The following SEMA3C variants were observed in gnomAD, a reference collection of about 807,000 sequenced individuals.
SEMA3C encodes semaphorin-3C.
Under a neutral mutation model 89.4 loss-of-function variants are expected in SEMA3C, and 47 were observed. The observed-to-expected ratio is 0.53, with a 90% CI of 0.42 to 0.67. The LOEUF is 0.67. Ranked by LOEUF, SEMA3C falls within the 30% of genes least tolerant of loss-of-function variation. The probability of loss-of-function intolerance (pLI) is 0.00; values close to 1 mark genes in which losing one functional copy is unlikely to be tolerated. For missense variants in SEMA3C, 839 were observed against 929.1 expected (o/e 0.90, Z 1.26); for synonymous variants, 310 against 320.2 (o/e 0.97, Z 0.34).
In SEMA3C at chr7:80,873,147, A is replaced by T. The variant is rs369979395; in HGVS notation, c.103+43532T>A. 4.6e-5 allele frequency among the ~76,000 whole-genome samples: 7 copies of T among 152,258 alleles called. No individual in the cohort carries two copies. In the East Asian group the frequency reaches 1.2e-3, roughly 25 times the overall value. ...GGACCAAAAACAACTCTAGGCATAA[A>T]AAGCAAAAAGCGTACAGGGCCCAAA... On this transcript the variant is annotated intron_variant, in intron 2 of 17. Coordinates refer to ENST00000265361, the MANE Select transcript of SEMA3C (RefSeq NM_006379.5).
intron 2 of SEMA3C, among the ~76,000 whole-genome samples, chr7:80,878,117 C>G (rs748633864): frequency 5.9e-5 from 9 of 152,192 alleles, no homozygotes; most frequent in Admixed American, 3.9e-4. Context: ...GTGGCTCACA[C>G]CTGTAATCCC....
At chr7:80,821,451 G>A (rs1047147802) in intron 4 of SEMA3C, among the ~76,000 whole-genome samples, 22 of 152,106 alleles carry the variant, frequency 1.4e-4, no homozygotes, top group African/African-American at 4.8e-4. Flanking sequence ...ACAGAGTGTC[G>A]CTCTGCTACC....
chr7:80,828,845 G>A, intron 2 of SEMA3C, 100 bp from the exon 3 acceptor site: 1 of 926,702 alleles, frequency 1.1e-6, no homozygotes, highest in South Asian at 2.3e-5. Context: ...AAAATGTCAA[G>A]GTACATTTTC....
At position 80,916,741 on chromosome 7, in the gene SEMA3C, A is replaced by G. The variant is rs1237605473; in HGVS notation, c.41T>C (p.Ile14Thr). 2.5e-6 allele frequency: 4 copies of G among 1,613,796 alleles called. No homozygotes were observed. Among genetic ancestry groups the G allele is most frequent in the Non-Finnish European group, 2.5e-6 (3 of 1,179,778 alleles). Residue 14 changes from isoleucine to threonine, a missense_variant, in exon 2 of 18, where the codon ATT becomes ACT. By Grantham distance (89) the Ile-to-Thr change is moderately conservative. Transcript: ENST00000265361. ...AGATCCTTTCACACAGATAGAACAA[A>G]TAAATACTCCAACCAACACGCAAAT... ...RTICVLVGVFICSICVKGSSQ... is the reference protein window; with the variant it reads ...RTICVLVGVFTCSICVKGSSQ...
At chr7:80,778,242 T>C (rs1024273697) in intron 12 of SEMA3C, among the ~76,000 whole-genome samples, 12 of 152,238 alleles carry the variant, frequency 7.9e-5, no homozygotes, top group Admixed American at 3.9e-4. Flanking sequence ...ATTTTAGTAT[T>C]CCTGTTTCTT....
At chr7:80,823,133 T>C (rs1049585201) in intron 4 of SEMA3C, among the ~76,000 whole-genome samples, 3 of 152,230 alleles carry the variant, frequency 2.0e-5, no homozygotes, top group South Asian at 4.1e-4. Flanking sequence ...CCTGGAAGAA[T>C]ATACCCTAAA....
Position 80,761,373 on chromosome 7 carries a change from G to T in SEMA3C, c.1485+243C>A, listed in dbSNP as rs1432341018. Among the ~76,000 whole-genome samples, 3 of 152,030 alleles carry T rather than the reference G, an allele frequency of 2.0e-5. No homozygotes were observed. The East Asian group carries it at 5.8e-4, about 29-fold the overall frequency. ...AGAAAATCAGATATACAAAATGTTG[G>T]AATATCTTGCTGTATATATGTTCTG... On this transcript the variant is annotated intron_variant, in intron 14 of 17. Coordinates refer to ENST00000265361, the MANE Select transcript of SEMA3C (RefSeq NM_006379.5).
At chr7:80,765,522 G>A (rs970889502) in intron 12 of SEMA3C, among the ~76,000 whole-genome samples, 6 of 152,192 alleles carry the variant, frequency 3.9e-5, no homozygotes, top group East Asian at 1.9e-4. Flanking sequence ...TCAAAAGTTC[G>A]GAACCAAATG....
chr7:80,909,565 A>G (rs1792095679), intron 2 of SEMA3C, among the ~76,000 whole-genome samples: 2 of 152,170 alleles, frequency 1.3e-5, no homozygotes. Flanking sequence ...GAGTAAGGCA[A>G]GAATATTTAG....
intron 12 of SEMA3C, among the ~76,000 whole-genome samples, chr7:80,770,918 C>A (rs1788417846): frequency 6.6e-6 from 1 of 152,222 alleles, no homozygotes; most frequent in Non-Finnish European, 1.5e-5. Flanking sequence ...CATTTGAGAA[C>A]AAGCAATGCA....
intron 10 of SEMA3C, among the ~76,000 whole-genome samples, chr7:80,798,500 CAA>C (rs1384675909): frequency 6.6e-6 from 1 of 151,988 alleles, no homozygotes; most frequent in Non-Finnish European, 1.5e-5. Context: ...CAGGACAACT[CAA>C]AAAAGTTTCT....
At chr7:80,894,646 A>T (rs910315881) in intron 2 of SEMA3C, among the ~76,000 whole-genome samples, 2 of 152,210 alleles carry the variant, frequency 1.3e-5, no homozygotes, top group Non-Finnish European at 2.9e-5. Context: ...AAGAGCAAAC[A>T]GTGGATATTT....
chr7:80,863,354 A>C lies in SEMA3C; in HGVS notation c.104-34609T>G, dbSNP rs75042077. ...ATCAAAATATTAAAAAAAAAAAAAA[A>C]CAGTAGATGTTGGTGTGGATGTGGT... is the stretch of plus-strand genomic sequence containing the variant. On this transcript the variant is annotated intron_variant, in intron 2 of 17. Transcript: ENST00000265361. 4.0e-4 allele frequency among the ~76,000 whole-genome samples: 60 copies of C among 151,758 alleles called. 1 individual carries two copies. In the East Asian group the frequency reaches 0.012, roughly 29 times the overall value.
At chr7:80,816,457 C>A (rs961047174) in intron 5 of SEMA3C, among the ~76,000 whole-genome samples, 2 of 152,128 alleles carry the variant, frequency 1.3e-5, no homozygotes, top group Non-Finnish European at 2.9e-5. Flanking sequence ...GAGAAGAATT[C>A]TCTCAAAATA....
In SEMA3C at chr7:80,818,370, G is replaced by C. The variant is rs1789661369; in HGVS notation, c.376C>G (p.His126Asp). ...VRVIQTFNRT[H>D]LYVCGSGAFS... ...GCGCCACTCCCACAGACATACAAAT[G>C]TGTGCGATTGAAAGTCTGAATTACA... The change falls in exon 5 of 18, where the codon CAT (histidine) becomes GAT (aspartate). Residue 126 changes from histidine (H) to aspartate (D), a missense_variant. His to Asp is a moderately conservative substitution (Grantham distance 81). Coordinates refer to ENST00000265361, the MANE Select transcript of SEMA3C (RefSeq NM_006379.5). 1 of 1,613,396 alleles carries C rather than the reference G, an allele frequency of 6.2e-7. No individual in the cohort carries two copies. The highest frequency in any genetic ancestry group is 1.3e-5 in the African/African-American group (1 of 74,916).
At chr7:80,894,731 TA>T (rs1481019790) in intron 2 of SEMA3C, among the ~76,000 whole-genome samples, 1 of 152,142 alleles carries the variant, frequency 6.6e-6, no homozygotes, top group African/African-American at 2.4e-5. Context: ...CTTTCATAAC[TA>T]TTTTTTTTAA....
In SEMA3C at chr7:80,874,757, C is replaced by T. The variant is rs115119085; in HGVS notation, c.103+41922G>A. On this transcript the variant is annotated intron_variant, in intron 2 of 17. Coordinates refer to ENST00000265361, the MANE Select transcript of SEMA3C (RefSeq NM_006379.5). ...TGCAGGGATTACAGGCATGAGCCAG[C>T]GCGTCAGGCCCATAGCAAGTTATTT... Among the ~76,000 whole-genome samples the T allele has an allele frequency of 5.2e-3, 784 of 152,034 alleles. 3 individuals carry two copies. The highest frequency in any genetic ancestry group is 0.048 in the Middle Eastern group (14 of 294).
intron 2 of SEMA3C, among the ~76,000 whole-genome samples, chr7:80,857,642 T>A (rs1790672287): frequency 6.6e-6 from 1 of 152,188 alleles, no homozygotes; most frequent in Admixed American, 6.5e-5. Context: ...TTATAAGCAT[T>A]TAAATCGATC....
At chr7:80,823,080 T>G (rs1789791353) in intron 4 of SEMA3C, among the ~76,000 whole-genome samples, 1 of 152,238 alleles carries the variant, frequency 6.6e-6, no homozygotes, top group East Asian at 1.9e-4. Context: ...CAGCATATAA[T>G]AAAATTCTAT....
Sources: gnomAD v4.1 joint callset for allele counts (sites outside exome capture counted in the v4.1 genomes callset) on GRCh38, gnomAD v4.1.1 for gene constraint, MANE v1.5 for transcripts, NCBI Gene and HGNC (gene_info 2026-07-23, HGNC 2026-07-21) for gene names.